Variants in ZNF599 observed in about 807,000 individuals in gnomAD.
ZNF599 encodes the protein zinc finger protein 599.
A neutral mutation model predicts 11.7 loss-of-function variants in ZNF599; 10 were observed. That is an observed-to-expected ratio of 0.86 (90% confidence interval 0.53 to 1.45). The LOEUF (loss-of-function observed/expected upper bound fraction) is 1.45. Among genes scored for constraint, ZNF599 ranks in the 40% most tolerant of loss-of-function variants. The pLI, the probability that ZNF599 is intolerant of heterozygous loss-of-function variation, is 0.00. For synonymous variants in ZNF599, 232 were observed against 253.2 expected (o/e 0.92, Z 0.79); for missense variants, 688 against 713.6 (o/e 0.96, Z 0.41).
At chr19:34,777,331 T>A (rs1167502970), upstream of ZNF599, among the ~76,000 whole-genome samples, 2 of 47,680 alleles carry the variant, frequency 4.2e-5, no homozygotes, top group Non-Finnish European at 7.6e-5. Flanking sequence ...TATTATATAT[T>A]ATATATTAAT....
At chr19:34,804,981 A>C in the ZNF599 span, among the ~76,000 whole-genome samples, 1 of 152,226 alleles carries the variant, frequency 6.6e-6, no homozygotes, top group African/African-American at 2.4e-5. Context: ...ACTATCCTAT[A>C]AAATCTCAAG....
intron 2 of ZNF599, 114 bp from the exon 3 acceptor site, chr19:34,767,525 C>T: frequency 1.4e-6 from 1 of 692,194 alleles, no homozygotes; most frequent in Non-Finnish European, 2.4e-6. Context: ...CAGAAAGGGC[C>T]CTCCCCTGCC....
chr19:34,790,622 G>A, the ZNF599 span, among the ~76,000 whole-genome samples: 1 of 152,044 alleles, frequency 6.6e-6, no homozygotes, highest in African/African-American at 2.4e-5. Context: ...GGAAGATTAG[G>A]GAAAGATGTT....
the ZNF599 span, among the ~76,000 whole-genome samples, chr19:34,778,492 C>G: frequency 2.0e-5 from 3 of 152,026 alleles, no homozygotes; most frequent in African/African-American, 7.2e-5. Flanking sequence ...AAAGTTTTAT[C>G]AAGAAATAGA....
chr19:34,771,722 G>T (rs903062646), intron 1 of ZNF599, among the ~76,000 whole-genome samples: 2 of 152,180 alleles, frequency 1.3e-5, no homozygotes, highest in African/African-American at 4.8e-5. Context: ...ATCTAAGTAG[G>T]ATGGGAGCCC....
the ZNF599 span, among the ~76,000 whole-genome samples, chr19:34,781,361 C>T: frequency 1.5e-4 from 23 of 152,106 alleles, no homozygotes; most frequent in Non-Finnish European, 2.1e-4. Context: ...GCCTGGGATT[C>T]CTGACAGGTG....
At chr19:34,784,389 T>C in the ZNF599 span, among the ~76,000 whole-genome samples, 1 of 152,216 alleles carries the variant, frequency 6.6e-6, no homozygotes, top group South Asian at 2.1e-4. Flanking sequence ...ATAAAGACTC[T>C]ATTTCCAAAT....
chr19:34,804,399 T>TTG, the ZNF599 span, among the ~76,000 whole-genome samples: 4 of 152,216 alleles, frequency 2.6e-5, no homozygotes, highest in Non-Finnish European at 2.9e-5. Context: ...GCTGTGCCTG[T>TTG]GATGCCCACC....
In ZNF599 at chr19:34,759,114, A is replaced by C; in HGVS notation, c.1687T>G (p.Phe563Val). The change falls in exon 4 of 4, where the codon TTT (phenylalanine) becomes GTT (valine). Residue 563 changes from phenylalanine (F) to valine (V), a missense_variant. Transcript: ENST00000329285. ...HMRTHTGEKP[F>V]ECNECGKTFS... ...GTCTTTCCACATTCATTGCATTCAA[A>C]GGGTTTCTCTCCAGTGTGAGTTCTC... 1 of 1,614,234 alleles carries C rather than the reference A, an allele frequency of 6.2e-7. No individual in the cohort carries two copies. The highest frequency in any genetic ancestry group is 8.5e-7 in the Non-Finnish European group (1 of 1,180,036).
At chr19:34,783,428 C>T in the ZNF599 span, among the ~76,000 whole-genome samples, 1 of 152,148 alleles carries the variant, frequency 6.6e-6, no homozygotes, top group Non-Finnish European at 1.5e-5. Context: ...TATATGGGTG[C>T]TCCTTAGTTG....
chr19:34,769,361 C>G (rs2069166849), intron 2 of ZNF599, 68 bp downstream of exon 2: 7 of 1,610,804 alleles, frequency 4.3e-6, no homozygotes, highest in Non-Finnish European at 5.9e-6. Flanking sequence ...CCTGGACCAG[C>G]CATGCCTAGA....
the ZNF599 span, among the ~76,000 whole-genome samples, chr19:34,781,113 G>C: frequency 1.1e-4 from 16 of 151,476 alleles, no homozygotes; most frequent in African/African-American, 3.6e-4. Context: ...CCGAGATAGC[G>C]CCACTGTACT....
intron 1 of ZNF599, among the ~76,000 whole-genome samples, chr19:34,772,043 TC>T (rs2069186759): frequency 6.6e-6 from 1 of 152,096 alleles, no homozygotes; most frequent in Non-Finnish European, 1.5e-5. Context: ...AATAGACAAC[TC>T]CTGAAGGTGA....
the ZNF599 span, among the ~76,000 whole-genome samples, chr19:34,797,353 G>A: frequency 3.9e-5 from 6 of 152,004 alleles, no homozygotes; most frequent in African/African-American, 1.5e-4. Flanking sequence ...TGGGTCAAAT[G>A]GTATTTCTAT....
intron 3 of ZNF599, chr19:34,764,998 AAT>A (rs1600156903): frequency 2.0e-5 from 3 of 152,160 alleles, no homozygotes; most frequent in East Asian, 1.9e-4. Context: ...GTTCAGGTGA[AAT>A]AGAGTCAACA....
chr19:34,760,080 C>G lies in ZNF599; in HGVS notation c.721G>C (p.Asp241His), dbSNP rs759335163. ...ECGKACRYMA[D>H]VIRHMRLHTG... ...TGAAGCCTCATATGTCGAATGACAT[C>G]AGCCATATAACGACAGGCTTTCCCA... Residue 241 changes from aspartate (D) to histidine (H), a missense_variant, in exon 4 of 4, where the codon GAT becomes CAT. Coordinates refer to ENST00000329285, the MANE Select transcript of ZNF599 (RefSeq NM_001007248.3). The G allele has an allele frequency of 2.5e-6, 4 of 1,613,910 alleles. No homozygotes were observed. In the South Asian group the frequency reaches 4.4e-5, roughly 18 times the overall value.
intron 2 of ZNF599, among the ~76,000 whole-genome samples, 199 bp from the exon 3 acceptor site, chr19:34,767,610 A>G (rs1424493656): frequency 6.6e-6 from 1 of 152,206 alleles, no homozygotes; most frequent in African/African-American, 2.4e-5. Flanking sequence ...ACCTAGCAAC[A>G]CCCAGTTCCA....
At chr19:34,760,889 T>TA (rs1455247775) in intron 3 of ZNF599, among the ~76,000 whole-genome samples, 1 of 152,150 alleles carries the variant, frequency 6.6e-6, no homozygotes, top group Non-Finnish European at 1.5e-5. Flanking sequence ...CTCATGGTGC[T>TA]ATGACAATGT....
At chr19:34,796,793 G>A in the ZNF599 span, among the ~76,000 whole-genome samples, 1 of 152,078 alleles carries the variant, frequency 6.6e-6, no homozygotes, top group Non-Finnish European at 1.5e-5. Context: ...AGTTAAAAAG[G>A]GCCTCCCATA....
Sources: allele counts gnomAD v4.1 joint callset (sites outside exome capture counted in the v4.1 genomes callset), GRCh38; gene constraint gnomAD v4.1.1; transcripts MANE v1.5; gene names NCBI Gene and HGNC (gene_info 2026-07-23, HGNC 2026-07-21).